ZNF578: variants seen among roughly 807,000 people sequenced by gnomAD.
ZNF578 encodes the protein zinc finger protein 578, also known as Putative chemokine-related protein B42.
A neutral mutation model predicts 8.3 loss-of-function variants in ZNF578; 8 were observed. That is an observed-to-expected ratio of 0.96 (90% CI 0.56 to 1.74). ZNF578 has a LOEUF of 1.74. ZNF578 is among the 40% of genes most tolerant of loss of function. ZNF578 has a pLI of 0.00. For missense variants in ZNF578, 726 were observed against 707.5 expected (o/e 1.03, Z -0.30); for synonymous variants, 206 against 232.2 (o/e 0.89, Z 1.03).
In ZNF578 at chr19:52,495,138, C is replaced by T. The variant is rs1007383947; in HGVS notation, c.-20+3713C>T. Reference sequence around the variant, plus strand: ...CTGGGATTACAGGGATGAGCCACCGCGCCCAGCCTACATACTAATTATTAT... The same window carrying T: ...CTGGGATTACAGGGATGAGCCACCGTGCCCAGCCTACATACTAATTATTAT... On this transcript the variant is annotated intron_variant, in intron 3 of 5. Transcript: ENST00000421239. 9.5e-5 allele frequency among the ~76,000 whole-genome samples: 14 copies of T among 147,570 alleles called. 1 individual carries two copies. Among genetic ancestry groups the T allele is most frequent in the African/African-American group, 2.5e-4 (10 of 40,482 alleles).
chr19:52,502,398 A>G (rs2122941650), intron 4 of ZNF578, among the ~76,000 whole-genome samples: 1 of 152,242 alleles, frequency 6.6e-6, no homozygotes, highest in Non-Finnish European at 1.5e-5. Flanking sequence ...CCACACTAGT[A>G]GATCAAGATG....
chr19:52,466,714 C>G (rs2059276311), intron 2 of ZNF578, among the ~76,000 whole-genome samples: 1 of 151,852 alleles, frequency 6.6e-6, no homozygotes, highest in Admixed American at 6.6e-5. Context: ...ATATGTATGT[C>G]TACATGAGTG....
chr19:52,505,350 G>C (rs528096594), intron 5 of ZNF578, among the ~76,000 whole-genome samples: 2 of 152,188 alleles, frequency 1.3e-5, no homozygotes, highest in Non-Finnish European at 2.9e-5. Context: ...GTATGAGGCT[G>C]TTGACTGAAC....
chr19:52,464,385 A>C (rs922723953), intron 2 of ZNF578, among the ~76,000 whole-genome samples: 1 of 152,224 alleles, frequency 6.6e-6, no homozygotes, highest in Non-Finnish European at 1.5e-5. Flanking sequence ...TAGACATAGC[A>C]TAAGTAGCAA....
chr19:52,478,737 G>A (rs1651536), intron 2 of ZNF578, among the ~76,000 whole-genome samples: 14 of 151,238 alleles, frequency 9.3e-5, no homozygotes, highest in Admixed American at 2.6e-4. Flanking sequence ...TTTTTGAGAC[G>A]GAGTCTTGCT....
At chr19:52,472,314 A>G (rs372328175) in intron 2 of ZNF578, among the ~76,000 whole-genome samples, 1 of 152,244 alleles carries the variant, frequency 6.6e-6, no homozygotes, top group African/African-American at 2.4e-5. Context: ...ATACTTAAGA[A>G]AATTTAAACT....
At chr19:52,477,776 T>C (rs1243767269) in intron 2 of ZNF578, among the ~76,000 whole-genome samples, 1 of 152,228 alleles carries the variant, frequency 6.6e-6, no homozygotes, top group Non-Finnish European at 1.5e-5. Flanking sequence ...AGTGCATGTT[T>C]ACAATCTGCA....
chr19:52,463,235 A>T (rs1330648381), intron 2 of ZNF578, among the ~76,000 whole-genome samples: 1 of 152,212 alleles, frequency 6.6e-6, no homozygotes, highest in Non-Finnish European at 1.5e-5. Flanking sequence ...TTCCCATGAC[A>T]GCAAAACAGG....
intron 3 of ZNF578, among the ~76,000 whole-genome samples, chr19:52,499,642 G>C (rs535948801): frequency 6.0e-5 from 9 of 150,540 alleles, no homozygotes; most frequent in Non-Finnish European, 1.2e-4. Flanking sequence ...ATAGAGAAAC[G>C]TACATGTATA....
At chr19:52,464,012 G>A (rs960656580) in intron 2 of ZNF578, among the ~76,000 whole-genome samples, 1 of 152,192 alleles carries the variant, frequency 6.6e-6, no homozygotes, top group African/African-American at 2.4e-5. Flanking sequence ...ATAAATGCCT[G>A]TTTAATTTGA....
At chr19:52,478,051 A>T (rs1651534) in intron 2 of ZNF578, among the ~76,000 whole-genome samples, 15,682 of 152,228 alleles carry the variant, frequency 0.1, 1,396 homozygotes, top group East Asian at 0.33. Context: ...GCCATGACCT[A>T]ACAGCATATC....
intron 5 of ZNF578, among the ~76,000 whole-genome samples, chr19:52,507,366 T>C (rs1280125890): frequency 6.6e-6 from 1 of 152,144 alleles, no homozygotes; most frequent in Non-Finnish European, 1.5e-5. Flanking sequence ...CCAGCCTGTA[T>C]GACAGAGTTA....
At chr19:52,496,361 G>T (rs1283367909) in intron 3 of ZNF578, among the ~76,000 whole-genome samples, 32 of 108,808 alleles carry the variant, frequency 2.9e-4, no homozygotes, top group African/African-American at 9.3e-4. Flanking sequence ...ACAGAGTCTC[G>T]CTCTGTCACC....
At position 52,512,598 on chromosome 19, in the gene ZNF578, G is replaced by A. The variant is rs2059453671; in HGVS notation, c.*444G>A. 6.6e-6 allele frequency among the ~76,000 whole-genome samples: 1 copy of A among 152,198 alleles called. No homozygotes were observed. On this transcript the variant is annotated 3_prime_UTR_variant, in exon 6 of 6. Transcript: ENST00000421239. ...TTCATGCAGGAGAGAAATGTCACAAGTGTGATGAGTGTTGCAAAGCCTTTA... is the reference window on the plus strand; with the variant it reads ...TTCATGCAGGAGAGAAATGTCACAAATGTGATGAGTGTTGCAAAGCCTTTA...
chr19:52,497,426 G>A (rs2059390898), intron 3 of ZNF578, among the ~76,000 whole-genome samples: 1 of 152,152 alleles, frequency 6.6e-6, no homozygotes, highest in East Asian at 1.9e-4. Context: ...CTCCATGTTG[G>A]CCAGGCAGGT....
intron 3 of ZNF578, among the ~76,000 whole-genome samples, chr19:52,493,228 C>T (rs1319101101): frequency 2.6e-5 from 4 of 152,138 alleles, no homozygotes; most frequent in African/African-American, 4.8e-5. Flanking sequence ...GCCCCGGGCC[C>T]AGTCCTGGGG....
chr19:52,466,607 A>T (rs574412289), intron 2 of ZNF578, among the ~76,000 whole-genome samples: 2 of 152,328 alleles, frequency 1.3e-5, no homozygotes, highest in Admixed American at 1.3e-4. Context: ...TGTTCCATAC[A>T]TGCTGAAATG....
intron 3 of ZNF578, among the ~76,000 whole-genome samples, chr19:52,493,585 G>A (rs1015875385): frequency 9.2e-5 from 14 of 152,226 alleles, no homozygotes; most frequent in African/African-American, 3.4e-4. Flanking sequence ...GGACAGGGGG[G>A]TATAACAGGG....
At chr19:52,487,031 T>G (rs982027072) in intron 2 of ZNF578, among the ~76,000 whole-genome samples, 2 of 149,522 alleles carry the variant, frequency 1.3e-5, no homozygotes, top group African/African-American at 4.9e-5. Flanking sequence ...GGGAGGGAAG[T>G]GCAGTAATGA....
Sources: gnomAD v4.1 joint callset for allele counts (sites outside exome capture counted in the v4.1 genomes callset) on GRCh38, gnomAD v4.1.1 for gene constraint, MANE v1.5 for transcripts, NCBI Gene and HGNC (gene_info 2026-07-23, HGNC 2026-07-21) for gene names.